Variants in L3MBTL4 observed in about 807,000 individuals in gnomAD.
L3MBTL4 encodes the protein lethal(3)malignant brain tumor-like protein 4.
In L3MBTL4, 70 loss-of-function variants were observed where a neutral mutation model predicts 84.5. The ratio of observed to expected loss-of-function variants is 0.83; its 90% CI spans 0.68 to 1.01. L3MBTL4 has a LOEUF of 1.01. Ranked by LOEUF, L3MBTL4 falls within the 50% of genes least tolerant of loss-of-function variation. The pLI, the probability that L3MBTL4 is intolerant of heterozygous loss-of-function variation, is 0.00. For synonymous variants in L3MBTL4, 274 were observed against 259.8 expected (o/e 1.05, Z -0.52); for missense variants, 715 against 754.8 (o/e 0.95, Z 0.62).
At chr18:6,368,806 C>T (rs1477189664) in intron 1 of L3MBTL4, among the ~76,000 whole-genome samples, 1 of 152,112 alleles carries the variant, frequency 6.6e-6, no homozygotes, top group Non-Finnish European at 1.5e-5. Flanking sequence ...CTTTGGGAGG[C>T]CGAGGCGGGC....
intron 1 of L3MBTL4, among the ~76,000 whole-genome samples, chr18:6,343,855 C>A (rs1481995649): frequency 2.0e-5 from 3 of 151,506 alleles, no homozygotes; most frequent in Non-Finnish European, 1.5e-5. Context: ...TTGAGACAAA[C>A]AAATATGGAA....
intron 15 of L3MBTL4, among the ~76,000 whole-genome samples, chr18:6,084,133 G>GAT (rs1194745236): frequency 6.6e-6 from 1 of 152,168 alleles, no homozygotes; most frequent in Non-Finnish European, 1.5e-5. Flanking sequence ...GAAGAACTAG[G>GAT]ATTTGAATTT....
At chr18:6,228,108 G>A (rs994139246) in intron 10 of L3MBTL4, among the ~76,000 whole-genome samples, 3 of 152,278 alleles carry the variant, frequency 2.0e-5, no homozygotes, top group South Asian at 2.1e-4. Flanking sequence ...AAGTCCAAAC[G>A]TAGACCTAGA....
chr18:6,302,116 A>C (rs1242800784), intron 3 of L3MBTL4, among the ~76,000 whole-genome samples, 159 bp from the exon 4 acceptor site: 1 of 152,120 alleles, frequency 6.6e-6, no homozygotes, highest in Admixed American at 6.6e-5. Context: ...GGTGCCCAGG[A>C]GGGGTACACA....
intron 10 of L3MBTL4, among the ~76,000 whole-genome samples, chr18:6,221,024 A>C (rs1466959519): frequency 6.6e-6 from 1 of 152,134 alleles, no homozygotes; most frequent in South Asian, 2.1e-4. Context: ...AATACTCCTC[A>C]GTTTTTTTTT....
chr18:6,335,871 A>T (rs989563678), intron 1 of L3MBTL4, among the ~76,000 whole-genome samples: 4 of 152,236 alleles, frequency 2.6e-5, no homozygotes, highest in African/African-American at 9.6e-5. Flanking sequence ...TTGTGAGTCA[A>T]TTAAACCTCC....
At chr18:6,322,505 A>G (rs3016525) in intron 1 of L3MBTL4, among the ~76,000 whole-genome samples, 2,939 of 93,618 alleles carry the variant, frequency 0.031, 40 homozygotes, top group East Asian at 0.073. Context: ...AAGGAAGGAA[A>G]GAAGGAAAAA....
chr18:6,074,213 A>C (rs2146025434), intron 16 of L3MBTL4, among the ~76,000 whole-genome samples: 1 of 152,222 alleles, frequency 6.6e-6, no homozygotes, highest in African/African-American at 2.4e-5. Flanking sequence ...TCTTGAATGG[A>C]GGTAGGGTCA....
chr18:6,029,103 T>C (rs2055652090), intron 16 of L3MBTL4, among the ~76,000 whole-genome samples: 1 of 152,218 alleles, frequency 6.6e-6, no homozygotes, highest in Admixed American at 6.5e-5. Context: ...TCTCACCCAC[T>C]GTTCTTTAAC....
At chr18:6,313,921 A>G (rs2050957304) in intron 1 of L3MBTL4, among the ~76,000 whole-genome samples, 1 of 152,224 alleles carries the variant, frequency 6.6e-6, no homozygotes, top group Admixed American at 6.5e-5. Flanking sequence ...ATAAAGCAAA[A>G]ATATAAAAGT....
chr18:6,114,766 T>A (rs967033561), intron 14 of L3MBTL4, among the ~76,000 whole-genome samples: 1 of 152,242 alleles, frequency 6.6e-6, no homozygotes, highest in Non-Finnish European at 1.5e-5. Flanking sequence ...ATCTTATTGG[T>A]TTCCATCCAC....
chr18:5,995,777 G>A (rs1187285509), intron 16 of L3MBTL4, among the ~76,000 whole-genome samples: 1 of 152,132 alleles, frequency 6.6e-6, no homozygotes, highest in Admixed American at 6.5e-5. Flanking sequence ...GAAGGAGTGA[G>A]GCTGGGTCCA....
At chr18:6,296,959 T>C (rs1156796379) in intron 4 of L3MBTL4, among the ~76,000 whole-genome samples, 3 of 152,170 alleles carry the variant, frequency 2.0e-5, no homozygotes, top group Admixed American at 6.5e-5. Context: ...CGAGGGATTA[T>C]AAGAGAAGCA....
chr18:6,318,661 G>C (rs990161181), intron 1 of L3MBTL4, among the ~76,000 whole-genome samples: 7 of 151,734 alleles, frequency 4.6e-5, no homozygotes, highest in African/African-American at 1.7e-4. Context: ...AAATGAGATA[G>C]AACAGCAACA....
rs574590484 is a variant in L3MBTL4, at chr18:6,214,843, G to T, written c.870+907C>A. Reference sequence around the variant, plus strand: ...AAGTTGCCTTCTTAGCTACTTTTCAGAATTTTATTTTCTTGTCATTTTCCT... The same window carrying T: ...AAGTTGCCTTCTTAGCTACTTTTCATAATTTTATTTTCTTGTCATTTTCCT... On this transcript the variant is annotated intron_variant, in intron 11 of 18. Coordinates refer to ENST00000317931, the MANE Select transcript of L3MBTL4 (RefSeq NM_001330559.2). Among the ~76,000 whole-genome samples, 3 of 152,230 alleles carry T rather than the reference G, an allele frequency of 2.0e-5. No homozygotes were observed. The East Asian group carries it at 5.8e-4, about 29-fold the overall frequency.
chr18:6,192,496 T>C (rs979426529), intron 12 of L3MBTL4, among the ~76,000 whole-genome samples: 1 of 151,838 alleles, frequency 6.6e-6, no homozygotes, highest in African/African-American at 2.4e-5. Context: ...GCTGGCAATA[T>C]GTGTGAGTCC....
chr18:6,122,435 C>G (rs1320633738), intron 14 of L3MBTL4, among the ~76,000 whole-genome samples: 2 of 152,170 alleles, frequency 1.3e-5, no homozygotes, highest in Non-Finnish European at 2.9e-5. Context: ...ATCCTGGGAG[C>G]AGGTCTTTGC....
At chr18:6,020,225 G>T (rs533642026) in intron 16 of L3MBTL4, among the ~76,000 whole-genome samples, 1 of 152,258 alleles carries the variant, frequency 6.6e-6, no homozygotes, top group South Asian at 2.1e-4. Flanking sequence ...AGCTAGGAAT[G>T]ATTCAGACTA....
At chr18:5,981,349 T>A (rs1268761324) in intron 16 of L3MBTL4, among the ~76,000 whole-genome samples, 1 of 152,240 alleles carries the variant, frequency 6.6e-6, no homozygotes, top group Non-Finnish European at 1.5e-5. Flanking sequence ...GTTATACAAG[T>A]AAAAGAAATG....
Sources: gnomAD v4.1 joint callset for allele counts (sites outside exome capture counted in the v4.1 genomes callset) on GRCh38, gnomAD v4.1.1 for gene constraint, MANE v1.5 for transcripts, NCBI Gene and HGNC (gene_info 2026-07-23, HGNC 2026-07-21) for gene names.